Variants in TIAM1 observed in about 807,000 individuals in gnomAD.
TIAM1 encodes TIAM Rac1 associated GEF 1.
In TIAM1, 65 loss-of-function variants were observed where a neutral mutation model predicts 163.5. That is an observed-to-expected ratio of 0.40 (90% CI 0.33 to 0.49). The LOEUF is 0.49. Ranked by LOEUF, TIAM1 falls within the 20% of genes least tolerant of loss-of-function variation. TIAM1 has a pLI of 0.77. For synonymous variants in TIAM1, 833 were observed against 810.1 expected (o/e 1.03, Z -0.48); for missense variants, 1,789 against 2,044.7 (o/e 0.87, Z 2.41).
At position 31,120,454 on chromosome 21, in the gene TIAM1, C is replaced by T. The variant is rs372955793; in HGVS notation, c.4690G>A (p.Gly1564Arg). ...KKQAALSGIN[G>R]GLESASEEVI... is the part of the protein sequence containing the mutation. ...TCCTCGCTTGCGCTCTCCAGGCCTCCATTGATCCCCGACAGGGCAGCTTGC... is the reference window on the plus strand; with the variant it reads ...TCCTCGCTTGCGCTCTCCAGGCCTCTATTGATCCCCGACAGGGCAGCTTGC... The change falls in exon 28 of 28, where the codon GGA (glycine) becomes AGA (arginine). Residue 1564 changes from glycine (G) to arginine (R), a missense_variant. Gly to Arg is a moderately radical substitution (Grantham distance 125). Around this residue, in one of 5 missense-constraint regions of TIAM1, gnomAD observed 415 missense variants for 439.2 expected, o/e 0.94. Transcript: ENST00000541036. This position sits in a 1 kb window ranked among gnomAD's most constrained non-coding sequence, Gnocchi z 4.2. 4.0e-5 allele frequency: 65 copies of T among 1,614,240 alleles called. No individual in the cohort carries two copies. The highest frequency in any genetic ancestry group is 1.7e-4 in the Middle Eastern group (1 of 6,060).
upstream of TIAM1, among the ~76,000 whole-genome samples, chr21:31,345,446 T>C (rs1432700688): frequency 3.3e-5 from 5 of 150,294 alleles, no homozygotes; most frequent in Non-Finnish European, 7.4e-5. Context: ...TATATATCCA[T>C]ATATATATTT....
At chr21:31,461,847 T>C (rs2045340242) in intron 2 of TIAM1, among the ~76,000 whole-genome samples, 2 of 152,078 alleles carry the variant, frequency 1.3e-5, no homozygotes, top group Admixed American at 6.5e-5. Flanking sequence ...TCTATATTTT[T>C]GTAGAGACGG....
intron 2 of TIAM1, among the ~76,000 whole-genome samples, chr21:31,330,908 AT>A (rs5843514): frequency 0.15 from 23,235 of 152,072 alleles, 1,927 homozygotes; most frequent in Non-Finnish European, 0.18. Context: ...TAATACTATG[AT>A]TTTTTTTCAA....
chr21:31,355,401 G>A (rs1308146615), intron 2 of TIAM1, among the ~76,000 whole-genome samples: 2 of 152,102 alleles, frequency 1.3e-5, no homozygotes, highest in African/African-American at 4.8e-5. Flanking sequence ...TTAGACTTGA[G>A]GTCTTTGTTC....
At chr21:31,533,580 T>C (rs1389329465) in intron 1 of TIAM1, among the ~76,000 whole-genome samples, 2 of 151,638 alleles carry the variant, frequency 1.3e-5, no homozygotes, top group African/African-American at 2.4e-5. Flanking sequence ...AAAATTATTT[T>C]TAATTAGCCA....
At chr21:31,525,872 A>T (rs529912619) in intron 1 of TIAM1, among the ~76,000 whole-genome samples, 146 of 151,930 alleles carry the variant, frequency 9.6e-4, no homozygotes, top group African/African-American at 3.5e-3. Context: ...CGCCTTTACT[A>T]AAAATACAAA....
intron 1 of TIAM1, among the ~76,000 whole-genome samples, chr21:31,534,995 T>TGA (rs775087650): frequency 1.3e-5 from 2 of 151,210 alleles, no homozygotes; most frequent in Non-Finnish European, 2.9e-5. Context: ...GAAGCTGAGG[T>TGA]GAGAGGATCA....
At chr21:31,238,502 T>C (rs1347732646) in intron 6 of TIAM1, among the ~76,000 whole-genome samples, 2 of 152,240 alleles carry the variant, frequency 1.3e-5, no homozygotes, top group Non-Finnish European at 2.9e-5. Flanking sequence ...AGCAATTTTA[T>C]GGCCATGAAG....
At chr21:31,545,541 C>T (rs2048459212) in intron 1 of TIAM1, among the ~76,000 whole-genome samples, 1 of 152,104 alleles carries the variant, frequency 6.6e-6, no homozygotes, top group Admixed American at 6.6e-5. Flanking sequence ...TAGAGAAAAG[C>T]TGAAGTCATG....
chr21:31,213,452 T>C lies in TIAM1; in HGVS notation c.2163A>G (p.Glu721=). The change falls in exon 10 of 28, where the codon GAA becomes GAG. Residue 721 remains glutamate (E), a synonymous_variant. Transcript: ENST00000541036. ...TTCCCTCTAAAGATTTCTTTACAGC[T>C]TCGGTTCCCTCTCCAAACACCTGCA... ...SINQVFGEGT[E]AVKKSLEGIF... is the part of the protein sequence containing the mutation. 1 of 1,613,946 alleles carries C rather than the reference T, an allele frequency of 6.2e-7. No homozygotes were observed. The highest frequency in any genetic ancestry group is 8.5e-7 in the Non-Finnish European group (1 of 1,180,004).
intron 1 of TIAM1, among the ~76,000 whole-genome samples, chr21:31,512,617 C>CTTTTTT (rs35338359): frequency 5.5e-4 from 67 of 121,754 alleles, no homozygotes; most frequent in African/African-American, 9.1e-4. Flanking sequence ...TTTTTCTTTT[C>CTTTTTT]TTTTTTTTTT....
rs2077051025 is a variant in TIAM1 at position 31,395,521 on chromosome 21, A to G, written c.-368-56099T>C. On this transcript the variant is annotated intron_variant, in intron 2 of 28. Transcript: ENST00000286827. This position sits in a 1 kb window ranked among gnomAD's most constrained non-coding sequence, Gnocchi z 7.5. ...CAGCCAATCACCAGATACGCCACAG[A>G]GGCGAAGAGAAGGGCCAACCCTGCA... Among the ~76,000 whole-genome samples the G allele has an allele frequency of 6.6e-6, 1 of 152,220 alleles. No homozygotes were observed. Among genetic ancestry groups the G allele is most frequent in the African/African-American group, 2.4e-5 (1 of 41,468 alleles).
chr21:31,318,637 T>C (rs988788841), intron 2 of TIAM1, among the ~76,000 whole-genome samples: 2 of 152,236 alleles, frequency 1.3e-5, no homozygotes, highest in Admixed American at 6.5e-5. Context: ...AATTTTATCA[T>C]GGTAAAGCCA....
intron 4 of TIAM1, among the ~76,000 whole-genome samples, chr21:31,253,516 A>C (rs1435322368): frequency 6.6e-6 from 1 of 152,244 alleles, no homozygotes; most frequent in African/African-American, 2.4e-5. Context: ...CTTAGTTCTA[A>C]GAATTGCTCA....
At chr21:31,181,694 A>G (rs999530926) in intron 15 of TIAM1, among the ~76,000 whole-genome samples, 3 of 145,424 alleles carry the variant, frequency 2.1e-5, no homozygotes, top group South Asian at 2.3e-4. Context: ...GAAGGCAGGA[A>G]CAGAGGTAGG....
Position 31,430,228 on chromosome 21 carries a change from ATATAT to A in TIAM1, c.-369+33750_-369+33754del, listed in dbSNP as rs1569324307. On this transcript the variant is annotated intron_variant, in intron 2 of 28. Transcript: ENST00000286827. ...TCTCAAAGAAAAAAAAAAAAAAAATATATATATATATATATATATACACACACACA... is the reference window on the plus strand; with the variant it reads ...TCTCAAAGAAAAAAAAAAAAAAAATAATATATATATATATACACACACACA... Among the ~76,000 whole-genome samples the A allele has an allele frequency of 2.5e-3, 138 of 55,494 alleles. 3 individuals carry two copies. Among genetic ancestry groups the A allele is most frequent in the African/African-American group, 0.013 (132 of 10,068 alleles). The allele number at this position is 55,494 out of a possible 152,430, so 36.4% of individuals were successfully genotyped here.
At chr21:31,344,878 T>A (rs573833050), upstream of TIAM1, among the ~76,000 whole-genome samples, 1 of 152,312 alleles carries the variant, frequency 6.6e-6, no homozygotes, top group South Asian at 2.1e-4. Context: ...AATACATCCC[T>A]CTTTCCTTCC....
At chr21:31,218,831 C>T (rs893851524) in intron 8 of TIAM1, among the ~76,000 whole-genome samples, 88 of 151,968 alleles carry the variant, frequency 5.8e-4, no homozygotes, top group Non-Finnish European at 5.9e-5. Flanking sequence ...CCTACCTAAG[C>T]CTTTTCAAGG....
chr21:31,552,039 T>C (rs1023410739), intron 1 of TIAM1, among the ~76,000 whole-genome samples: 1 of 146,348 alleles, frequency 6.8e-6, no homozygotes, highest in Non-Finnish European at 1.5e-5. Flanking sequence ...GAATTTTTAC[T>C]CTGCACTACT....
Sources: allele counts gnomAD v4.1 joint callset (sites outside exome capture counted in the v4.1 genomes callset), GRCh38; gene constraint gnomAD v4.1.1; regional missense constraint gnomAD v4.1.1; non-coding constraint Gnocchi (gnomAD v3.1); transcripts MANE v1.5; gene names NCBI Gene and HGNC (gene_info 2026-07-23, HGNC 2026-07-21).